Variants in RTCA observed in about 807,000 individuals in gnomAD.
RTCA encodes the protein RNA 3'-terminal phosphate cyclase, also known as RNA terminal phosphate cyclase domain 1.
A neutral mutation model predicts 46.1 loss-of-function variants in RTCA; 37 were observed. The observed-to-expected ratio is 0.80, with a 90% CI of 0.62 to 1.06. RTCA has a LOEUF of 1.06. Ranked by LOEUF, RTCA falls within the 50% of genes least tolerant of loss-of-function variation. The probability of loss-of-function intolerance (pLI) is 0.00; values close to 1 mark genes in which losing one functional copy is unlikely to be tolerated. For missense variants in RTCA, 435 were observed against 455.5 expected (o/e 0.95, Z 0.41); for synonymous variants, 164 against 158.3 (o/e 1.04, Z -0.27).
At chr1:100,273,252 G>T in intron 4 of RTCA, 142 bp from the exon 5 acceptor site, 4 of 474,580 alleles carry the variant, frequency 8.4e-6, no homozygotes, top group Non-Finnish European at 1.1e-5. Context: ...TGAAAAAAAT[G>T]GAACCAGCCT....
At chr1:100,281,115 A>G (rs1570885616) in intron 8 of RTCA, 1 of 489,520 alleles carries the variant, frequency 2.0e-6, no homozygotes. Flanking sequence ...TAGAGGCAGG[A>G]AGTTGTAACT....
Position 100,291,625 on chromosome 1 carries a change from T to A in RTCA, c.*121T>A. On this transcript the variant is annotated 3_prime_UTR_variant, in exon 11 of 11. Coordinates refer to ENST00000370128, the MANE Select transcript of RTCA (RefSeq NM_003729.4). ...ACTTAAATTTGAAGATGAAGTACAG[T>A]GTTCTAGGTTTGCTGAGAAGGCTTC... The A allele has an allele frequency of 1.7e-6, 1 of 594,182 alleles. No homozygotes were observed. Among genetic ancestry groups the A allele is most frequent in the South Asian group, 2.6e-5 (1 of 38,116 alleles). 36.8% of individuals were successfully genotyped at this position (594,182 alleles called of 1,614,324 possible).
intron 2 of RTCA, chr1:100,267,498 A>C: frequency 6.5e-7 from 1 of 1,534,506 alleles, no homozygotes; most frequent in Non-Finnish European, 8.8e-7. Context: ...ATTTCCTCAC[A>C]GTTCTGGAGG....
At chr1:100,280,847 C>G (rs1019525694) in intron 8 of RTCA, among the ~76,000 whole-genome samples, 3 of 152,212 alleles carry the variant, frequency 2.0e-5, no homozygotes, top group Middle Eastern at 3.4e-3. Context: ...ACAAAAAATA[C>G]AAAAATTACT....
In RTCA at chr1:100,273,414, A is replaced by G. The variant is rs1471568939; in HGVS notation, c.435A>G (p.Glu145=). Residue 145 remains glutamate, a synonymous_variant, in exon 5 of 11, where the codon GAA becomes GAG. Coordinates refer to ENST00000370128, the MANE Select transcript of RTCA (RefSeq NM_003729.4). ...YTVMVFKPIV[E]KFGFIFNCDI... is the part of the protein sequence containing the mutation. ...TTCAGGTCTTCAAGCCAATTGTTGAAAAATTTGGTTTCATATTTAATTGTG... is the reference window on the plus strand; with the variant it reads ...TTCAGGTCTTCAAGCCAATTGTTGAGAAATTTGGTTTCATATTTAATTGTG... 1 of 1,587,264 alleles carries G rather than the reference A, an allele frequency of 6.3e-7. No homozygotes were observed. Among genetic ancestry groups the G allele is most frequent in the Non-Finnish European group, 8.6e-7 (1 of 1,164,388 alleles).
At chr1:100,283,452 A>G (rs1441136852) in intron 8 of RTCA, among the ~76,000 whole-genome samples, 1 of 152,144 alleles carries the variant, frequency 6.6e-6, no homozygotes. Context: ...ATGAGCCACC[A>G]TGCCTGGCTC....
chr1:100,274,947 T>C lies in RTCA; in HGVS notation c.597T>C (p.Ala199=), dbSNP rs1182461809. The change falls in exon 6 of 11, where the codon GCT becomes GCC. Residue 199 remains alanine (A), a synonymous_variant. Coordinates refer to ENST00000370128, the MANE Select transcript of RTCA (RefSeq NM_003729.4). The part of the protein sequence containing the change: ...VTKIYGRAFV[A]GVLPFKVAKD... ...AGATATATGGAAGAGCTTTCGTTGC[T>C]GGTGTTTTGCCATTTAAAGTAAGTT... 1.2e-6 allele frequency: 2 copies of C among 1,607,886 alleles called. No homozygotes were observed. The highest frequency in any genetic ancestry group is 1.7e-6 in the Non-Finnish European group (2 of 1,175,666).
At position 100,291,513 on chromosome 1, in the gene RTCA, C is replaced by T; in HGVS notation, c.*9C>T. The stretch of plus-strand genomic sequence containing the variant: ...CAAATCCAAATCTATAGAGTATTTG[C>T]CTCTTAAATGATACCTCATTGATAT... On this transcript the variant is annotated 3_prime_UTR_variant, in exon 11 of 11. Transcript: ENST00000370128. 2 of 1,485,424 alleles carry T rather than the reference C, an allele frequency of 1.3e-6. No homozygotes were observed. The highest frequency in any genetic ancestry group is 2.3e-5 in the South Asian group (2 of 86,200). 92.0% of individuals were successfully genotyped at this position (1,485,424 alleles called of 1,614,324 possible).
chr1:100,280,331 T>G (rs1216499332), intron 8 of RTCA, among the ~76,000 whole-genome samples: 1 of 152,230 alleles, frequency 6.6e-6, no homozygotes, highest in Non-Finnish European at 1.5e-5. Flanking sequence ...TACATGGAAT[T>G]TTTTTACCAG....
At chr1:100,276,803 T>G (rs1214546638) in intron 7 of RTCA, among the ~76,000 whole-genome samples, 1 of 152,246 alleles carries the variant, frequency 6.6e-6, no homozygotes, top group African/African-American at 2.4e-5. Flanking sequence ...AAGTTCCAAA[T>G]CCTCTCATTC....
At chr1:100,284,301 T>A (rs1666907441) in intron 8 of RTCA, among the ~76,000 whole-genome samples, 2 of 152,118 alleles carry the variant, frequency 1.3e-5, no homozygotes, top group Non-Finnish European at 2.9e-5. Context: ...TGTTCAAATC[T>A]TAGAGGAAAT....
At position 100,266,366 on chromosome 1, in the gene RTCA, G is replaced by A. The variant is rs777622874; in HGVS notation, c.-10G>A. Reference sequence around the variant, plus strand: ...TTTGTCGCTGCGGGCTGGGCCCCAGGGTGTCCCCCATGGCGGGGCCGCGGG... The same window carrying A: ...TTTGTCGCTGCGGGCTGGGCCCCAGAGTGTCCCCCATGGCGGGGCCGCGGG... On this transcript the variant is annotated 5_prime_UTR_variant, in exon 1 of 11. Coordinates refer to ENST00000370128, the MANE Select transcript of RTCA (RefSeq NM_003729.4). 1 of 1,612,182 alleles carries A rather than the reference G, an allele frequency of 6.2e-7. No homozygotes were observed. The highest frequency in any genetic ancestry group is 8.5e-7 in the Non-Finnish European group (1 of 1,179,502).
chr1:100,288,830 T>C (rs1407079414), intron 10 of RTCA, among the ~76,000 whole-genome samples: 3 of 152,164 alleles, frequency 2.0e-5, no homozygotes, highest in Non-Finnish European at 2.9e-5. Flanking sequence ...CTTTTCTTTT[T>C]TTTTTTCTTA....
intron 10 of RTCA, among the ~76,000 whole-genome samples, chr1:100,288,059 G>A (rs907612040): frequency 2.0e-5 from 3 of 152,124 alleles, no homozygotes; most frequent in Non-Finnish European, 4.4e-5. Context: ...CTCCCAAAGT[G>A]TTGTGATTAT....
intron 4 of RTCA, among the ~76,000 whole-genome samples, chr1:100,271,940 G>A (rs998548042): frequency 2.0e-5 from 3 of 152,166 alleles, no homozygotes; most frequent in East Asian, 1.9e-4. Context: ...AATACTGTAC[G>A]TAGGCTTTGA....
intron 6 of RTCA, 35 bp downstream of exon 6, chr1:100,275,000 ATG>A (rs1457889074): frequency 6.5e-7 from 1 of 1,538,602 alleles, no homozygotes; most frequent in East Asian, 2.3e-5. Context: ...AATAAAATAT[ATG>A]TGTGTCTTGA....
Position 100,270,693 on chromosome 1 carries a change from G to A in RTCA, c.414+13G>A. On this transcript the variant is annotated intron_variant, in intron 4 of 10. Coordinates refer to ENST00000370128, the MANE Select transcript of RTCA (RefSeq NM_003729.4). ...TTATACAGTGATGGTAAGGGCTTTT[G>A]TTGTTGACAAACTAAGATGATCTCA... 1 of 1,612,246 alleles carries A rather than the reference G, an allele frequency of 6.2e-7. No homozygotes were observed. Among genetic ancestry groups the A allele is most frequent in the Non-Finnish European group, 8.5e-7 (1 of 1,179,222 alleles).
At position 100,266,854 on chromosome 1, in the gene RTCA, T is replaced by C. The variant is rs890248267; in HGVS notation, c.146+230T>C. On this transcript the variant is annotated intron_variant, in intron 2 of 10. Transcript: ENST00000370128. ...CTCGAGTTTTCTCTGTTTGACTAAA[T>C]AGTGTCATTTGCTGAAGAGCTAGCT... The C allele has an allele frequency of 1.1e-5, 6 of 539,588 alleles. No homozygotes were observed. In the African/African-American group the frequency reaches 1.1e-4, roughly 10 times the overall value. 33.4% of individuals were successfully genotyped at this position (539,588 alleles called of 1,614,324 possible). A position where few individuals can be genotyped will look rare whatever the true frequency, so the allele number is the denominator to read the frequency against.
At chr1:100,269,365 T>A (rs1665956110) in intron 3 of RTCA, among the ~76,000 whole-genome samples, 1 of 13,328 alleles carries the variant, frequency 7.5e-5, no homozygotes. Flanking sequence ...CTATCAGTCT[T>A]TTTTTTTTTT....
Sources: allele counts gnomAD v4.1 joint callset (sites outside exome capture counted in the v4.1 genomes callset), GRCh38; gene constraint gnomAD v4.1.1; transcripts MANE v1.5; gene names NCBI Gene and HGNC (gene_info 2026-07-23, HGNC 2026-07-21).